The following CEP78 variants were observed in gnomAD, a reference collection of about 807,000 sequenced individuals.
CEP78 encodes centrosomal protein of 78 kDa.
In CEP78, 76 loss-of-function variants were observed where a neutral mutation model predicts 81.2. That is an observed-to-expected ratio of 0.94 (90% CI 0.78 to 1.13). CEP78 has a LOEUF of 1.13. Among genes scored for constraint, CEP78 ranks in the 50% most tolerant of loss-of-function variants. The pLI is 0.00. For missense variants in CEP78, 918 were observed against 846.8 expected, an observed-to-expected ratio of 1.08 and a Z score of -1.04; for synonymous variants, 293 against 301.4, an observed-to-expected ratio of 0.97 and a Z score of 0.29.
rs928023844 is a variant in CEP78 at position 78,272,876 on chromosome 9, G to C, written c.*2025G>C. The C allele has an allele frequency of 6.6e-6, 1 of 152,152 alleles. No homozygotes were observed. The highest frequency in any genetic ancestry group is 2.4e-5 in the African/African-American group (1 of 41,432). 9.4% of individuals were successfully genotyped at this position (152,152 alleles called of 1,614,324 possible). On this transcript the variant is annotated 3_prime_UTR_variant, in exon 17 of 17. Transcript: ENST00000643273. ...AAGACAGTATGATGCAGCATATATTGTGACTTAAAGCTTCTGTCTAGATGT... is the reference window on the plus strand; with the variant it reads ...AAGACAGTATGATGCAGCATATATTCTGACTTAAAGCTTCTGTCTAGATGT...
intron 10 of CEP78, chr9:78,254,608 G>T (rs1826926132): frequency 5.2e-6 from 1 of 192,276 alleles, no homozygotes; most frequent in African/African-American, 2.3e-5. Flanking sequence ...AAAAATATGG[G>T]CGATTCCAGT....
chr9:78,258,816 C>T (rs942781257), intron 11 of CEP78, among the ~76,000 whole-genome samples: 2 of 152,198 alleles, frequency 1.3e-5, no homozygotes, highest in Admixed American at 6.5e-5. Flanking sequence ...GATGCAACTA[C>T]ACTCCTATCA....
chr9:78,256,105 A>G (rs944795749), intron 11 of CEP78, among the ~76,000 whole-genome samples: 4 of 152,266 alleles, frequency 2.6e-5, no homozygotes, highest in Admixed American at 6.5e-5. Context: ...TTTTTGAAAT[A>G]GAGATGACAG....
At chr9:78,243,756 T>C (rs932451162) in intron 5 of CEP78, 120 bp downstream of exon 5, 19 of 668,480 alleles carry the variant, frequency 2.8e-5, no homozygotes, top group Admixed American at 1.5e-4. Flanking sequence ...TTCTAATAGG[T>C]TTTATTTTGT....
Position 78,262,995 on chromosome 9 carries a change from G to A in CEP78, c.1458+11G>A, listed in dbSNP as rs1215155437. The A allele has an allele frequency of 2.6e-6, 4 of 1,513,598 alleles. No individual in the cohort carries two copies. Among genetic ancestry groups the A allele is most frequent in the Non-Finnish European group, 3.6e-6 (4 of 1,122,198 alleles). The allele number at this position is 1,513,598 out of a possible 1,614,324, so 93.8% of individuals were successfully genotyped here. A position where few individuals can be genotyped will look rare whatever the true frequency, so the allele number is the denominator to read the frequency against. On this transcript the variant is annotated intron_variant, in intron 12 of 16. Coordinates refer to ENST00000643273, the MANE Select transcript of CEP78 (RefSeq NM_001330691.3). ...AAACGAGTCAGTGAGGTAAATAAAA[G>A]TTTTCTTACCTTTTGAGAGTTTTTT...
intron 3 of CEP78, 132 bp from the exon 4 acceptor site, chr9:78,241,564 G>A: frequency 3.9e-6 from 2 of 514,866 alleles, no homozygotes; most frequent in East Asian, 3.0e-5. Context: ...AGTTGCTTAG[G>A]TAGATTGTAA....
intron 3 of CEP78, 67 bp downstream of exon 3, chr9:78,240,431 T>A: frequency 7.7e-7 from 1 of 1,301,596 alleles, no homozygotes; most frequent in Non-Finnish European, 1.1e-6. Flanking sequence ...CATGCCATGT[T>A]AATTCCTGTC....
chr9:78,268,757 A>G (rs1827626784), intron 16 of CEP78, among the ~76,000 whole-genome samples: 1 of 141,090 alleles, frequency 7.1e-6, no homozygotes. Context: ...ATCTCGGCTC[A>G]CTGCAAGCTC....
chr9:78,254,713 G>T, intron 10 of CEP78, 123 bp from the exon 11 acceptor site: 1 of 619,096 alleles, frequency 1.6e-6, no homozygotes, highest in East Asian at 3.0e-5. Context: ...GTTAGACTAA[G>T]GAGTAGTGAT....
chr9:78,238,123 CT>C (rs1826048624), intron 1 of CEP78, among the ~76,000 whole-genome samples: 1 of 142,786 alleles, frequency 7.0e-6, no homozygotes, highest in African/African-American at 2.7e-5. Context: ...AAAACTCTGT[CT>C]CAAAAAAAAA....
chr9:78,246,698 A>G lies in CEP78; in HGVS notation c.808A>G (p.Asn270Asp), dbSNP rs1451435003. ...ALDLQQCGLT[N>D]EGAKALLEAL... ...TGACCTGCAACAGTGCGGCCTCACCAATGAAGGAGCAAAGGCTTTGCTAGA... is the reference window on the plus strand; with the variant it reads ...TGACCTGCAACAGTGCGGCCTCACCGATGAAGGAGCAAAGGCTTTGCTAGA... The change falls in exon 6 of 17, where the codon AAT becomes GAT. Residue 270 changes from asparagine (N) to aspartate (D), a missense_variant. Asn to Asp is a conservative substitution (Grantham distance 23). Coordinates refer to ENST00000643273, the MANE Select transcript of CEP78 (RefSeq NM_001330691.3). 1.2e-6 allele frequency: 2 copies of G among 1,610,534 alleles called. No individual in the cohort carries two copies. The highest frequency in any genetic ancestry group is 1.7e-6 in the Non-Finnish European group (2 of 1,178,526).
rs1827731478 is a variant in CEP78, at chr9:78,273,227, T to A, written c.*2376T>A. The stretch of plus-strand genomic sequence containing the variant: ...CTTGAGTAAAAACATGAAATCCCAC[T>A]GTGTGCTATTTGCAAAATCTAAAAC... On this transcript the variant is annotated 3_prime_UTR_variant, in exon 17 of 17. Transcript: ENST00000643273. 6.6e-6 allele frequency: 1 copy of A among 152,206 alleles called. No individual in the cohort carries two copies. The highest frequency in any genetic ancestry group is 2.4e-5 in the African/African-American group (1 of 41,454). 9.4% of individuals were successfully genotyped at this position (152,206 alleles called of 1,614,324 possible). A position where few individuals can be genotyped will look rare whatever the true frequency, so the allele number is the denominator to read the frequency against.
chr9:78,240,893 G>A (rs1222567062), intron 3 of CEP78, among the ~76,000 whole-genome samples: 2 of 151,906 alleles, frequency 1.3e-5, no homozygotes. Flanking sequence ...AACCTGGGAG[G>A]CAGAGGTTGC....
chr9:78,265,323 T>C (rs935536029), intron 13 of CEP78, 49 bp from the exon 14 acceptor site: 9 of 1,448,914 alleles, frequency 6.2e-6, no homozygotes, highest in African/African-American at 4.3e-5. Context: ...GCTGTTCTTA[T>C]GTGCTTCTAG....
intron 16 of CEP78, chr9:78,267,006 G>A: frequency 1.5e-6 from 2 of 1,346,566 alleles, no homozygotes; most frequent in Non-Finnish European, 1.9e-6. Context: ...CCTTTCATAT[G>A]ACTAAATCTT....
intron 1 of CEP78, among the ~76,000 whole-genome samples, chr9:78,237,122 A>T (rs1303179138): frequency 6.6e-6 from 1 of 151,292 alleles, no homozygotes; most frequent in Non-Finnish European, 1.5e-5. Flanking sequence ...CTGGGATTAC[A>T]GGCGCGCGCC....
At chr9:78,248,629 T>G (rs1826610778) in intron 7 of CEP78, 133 bp from the exon 8 acceptor site, 2 of 631,440 alleles carry the variant, frequency 3.2e-6, no homozygotes, top group East Asian at 5.7e-5. Flanking sequence ...CGTATGATTC[T>G]TTAATTTTGG....
intron 16 of CEP78, among the ~76,000 whole-genome samples, chr9:78,268,367 G>C (rs980625561): frequency 1.3e-5 from 2 of 152,194 alleles, no homozygotes; most frequent in African/African-American, 2.4e-5. Flanking sequence ...ACTAGCAGAT[G>C]TCGCTCAAGG....
In CEP78 at chr9:78,274,039, G is replaced by A. The variant is rs1827753093; in HGVS notation, c.*3188G>A. The A allele has an allele frequency of 1.3e-5, 2 of 152,222 alleles. No homozygotes were observed. The highest frequency in any genetic ancestry group is 4.1e-4 in the South Asian group (2 of 4,832). The allele number at this position is 152,222 out of a possible 1,614,324, so 9.4% of individuals were successfully genotyped here. On this transcript the variant is annotated 3_prime_UTR_variant, in exon 17 of 17. Transcript: ENST00000643273. ...CATATGACCAAGCAGTCCCACTCCTGGGTATTTAGAGAGATGAAAACTTAG... is the reference window on the plus strand; with the variant it reads ...CATATGACCAAGCAGTCCCACTCCTAGGTATTTAGAGAGATGAAAACTTAG...
Sources: gnomAD v4.1 joint callset for allele counts (sites outside exome capture counted in the v4.1 genomes callset) on GRCh38, gnomAD v4.1.1 for gene constraint, MANE v1.5 for transcripts, NCBI Gene and HGNC (gene_info 2026-07-23, HGNC 2026-07-21) for gene names.